BTRC: variants seen among roughly 807,000 people sequenced by gnomAD.
The protein encoded by BTRC is beta-transducin repeat containing E3 ubiquitin protein ligase, also known as F-box/WD repeat-containing protein 1A.
A neutral mutation model predicts 85.5 loss-of-function variants in BTRC; 42 were observed. The observed-to-expected ratio is 0.49, with a 90% CI of 0.38 to 0.64. The LOEUF is 0.64. Ranked by LOEUF, BTRC falls within the 30% of genes least tolerant of loss-of-function variation. BTRC has a pLI of 0.00. For synonymous variants in BTRC, 255 were observed against 263.3 expected (o/e 0.97, Z 0.30); for missense variants, 594 against 743.5 (o/e 0.80, Z 2.34).
At chr10:101,518,219 T>C (rs2134355650) in intron 4 of BTRC, among the ~76,000 whole-genome samples, 2 of 152,274 alleles carry the variant, frequency 1.3e-5, no homozygotes, top group South Asian at 4.1e-4. Flanking sequence ...GCCGAAGTAG[T>C]GTCTTAATTG....
At position 101,531,324 on chromosome 10, in the gene BTRC, A is replaced by G; in HGVS notation, c.831A>G (p.Gln277=). ...FYRALYPKII[Q]DIETIESNWR... ...GAGCACTTTATCCTAAAATTATACA[A>G]GACATTGAGGTAAGAATCTATGTAT... is the stretch of plus-strand genomic sequence containing the variant. The change falls in exon 7 of 15, where the codon CAA becomes CAG. Residue 277 remains glutamine (Q), a synonymous_variant. Coordinates refer to ENST00000370187, the MANE Select transcript of BTRC (RefSeq NM_033637.4). 6.3e-7 allele frequency: 1 copy of G among 1,596,240 alleles called. No homozygotes were observed. The highest frequency in any genetic ancestry group is 1.1e-5 in the South Asian group (1 of 90,372).
chr10:101,548,851 G>A (rs917250658), intron 13 of BTRC, among the ~76,000 whole-genome samples: 1 of 151,424 alleles, frequency 6.6e-6, no homozygotes, highest in Non-Finnish European at 1.5e-5. Flanking sequence ...TCAGGAGATC[G>A]AGACCATCCT....
chr10:101,514,909 T>G (rs1181334062), intron 4 of BTRC, among the ~76,000 whole-genome samples: 1 of 152,206 alleles, frequency 6.6e-6, no homozygotes, highest in Non-Finnish European at 1.5e-5. Context: ...CTAGTCTGAG[T>G]CTTCCATCTT....
At chr10:101,457,153 G>A (rs1300985550) in intron 2 of BTRC, among the ~76,000 whole-genome samples, 3 of 152,170 alleles carry the variant, frequency 2.0e-5, no homozygotes, top group Non-Finnish European at 4.4e-5. Flanking sequence ...ACATGAATAT[G>A]CTCTCTCAAA....
At chr10:101,504,468 C>T (rs1488737216) in intron 4 of BTRC, among the ~76,000 whole-genome samples, 1 of 151,916 alleles carries the variant, frequency 6.6e-6, no homozygotes, top group East Asian at 1.9e-4. Context: ...AGCTCATCAT[C>T]TCTCCCCATC....
chr10:101,377,045 A>G (rs901136117), intron 1 of BTRC, among the ~76,000 whole-genome samples: 3 of 152,176 alleles, frequency 2.0e-5, no homozygotes, highest in African/African-American at 7.2e-5. Flanking sequence ...GAACAATTGT[A>G]TCACTCCCCC....
intron 1 of BTRC, among the ~76,000 whole-genome samples, chr10:101,413,438 C>T (rs1436046715): frequency 2.0e-5 from 3 of 151,996 alleles, no homozygotes; most frequent in Admixed American, 1.3e-4. Context: ...CTCAGCCTCC[C>T]GAGTAGCTGG....
At position 101,504,230 on chromosome 10, in the gene BTRC, C is replaced by T. The variant is rs372951748; in HGVS notation, c.325-17409C>T. ...TCCAGACAATTAAACTTTATTACTCCGCCTGAAACATTAAGTAGTGGTTTT... is the reference window on the plus strand; with the variant it reads ...TCCAGACAATTAAACTTTATTACTCTGCCTGAAACATTAAGTAGTGGTTTT... On this transcript the variant is annotated intron_variant, in intron 4 of 14. Transcript: ENST00000370187. Among the ~76,000 whole-genome samples, 17 of 152,256 alleles carry T rather than the reference C, an allele frequency of 1.1e-4. No homozygotes were observed. The South Asian group carries it at 1.2e-3, about 11-fold the overall frequency.
In BTRC at chr10:101,521,815, C is replaced by T. The variant is rs773059882; in HGVS notation, c.501C>T (p.His167=). 2 of 1,614,016 alleles carry T rather than the reference C, an allele frequency of 1.2e-6. No individual in the cohort carries two copies. Among genetic ancestry groups the T allele is most frequent in the East Asian group, 4.5e-5 (2 of 44,874 alleles). ...ISQMCHYQHG[H]INSYLKPMLQ... is the part of the protein sequence containing the mutation. ...AAATGTGTCATTACCAACATGGGCA[C>T]ATAAACTCGTATCTTAAACCTATGT... Residue 167 remains histidine, a synonymous_variant, in exon 5 of 15, where the codon CAC becomes CAT. Coordinates refer to ENST00000370187, the MANE Select transcript of BTRC (RefSeq NM_033637.4).
chr10:101,446,906 C>T (rs1944840636), intron 2 of BTRC, among the ~76,000 whole-genome samples: 1 of 147,422 alleles, frequency 6.8e-6, no homozygotes, highest in South Asian at 2.1e-4. Flanking sequence ...CATTTGTATT[C>T]CAGAGAGCAC....
chr10:101,364,185 C>T (rs796251122), intron 1 of BTRC, among the ~76,000 whole-genome samples: 9 of 152,280 alleles, frequency 5.9e-5, no homozygotes, highest in African/African-American at 2.2e-4. Context: ...TGTTGACACT[C>T]TCCTGATAGC....
intron 4 of BTRC, among the ~76,000 whole-genome samples, chr10:101,486,301 A>T (rs554979737): frequency 3.3e-5 from 5 of 152,328 alleles, no homozygotes; most frequent in East Asian, 3.9e-4. Flanking sequence ...AAGAGTCCGC[A>T]TAAATCTGCC....
chr10:101,424,095 G>A (rs1377889984), intron 1 of BTRC, among the ~76,000 whole-genome samples: 6 of 152,102 alleles, frequency 3.9e-5, no homozygotes, highest in Non-Finnish European at 7.4e-5. Context: ...TTAGTCAGGC[G>A]TGGTGGTGCA....
chr10:101,361,850 A>T (rs1942216843), intron 1 of BTRC, among the ~76,000 whole-genome samples: 1 of 152,236 alleles, frequency 6.6e-6, no homozygotes, highest in Non-Finnish European at 1.5e-5. Context: ...TAGTTCCTGG[A>T]TTACCTTTAT....
chr10:101,513,245 C>T (rs369057688), intron 4 of BTRC, among the ~76,000 whole-genome samples: 22 of 152,218 alleles, frequency 1.4e-4, no homozygotes, highest in Non-Finnish European at 2.6e-4. Context: ...ATTCATATTA[C>T]AGTGGATTTA....
chr10:101,444,314 C>T (rs1944767693), intron 2 of BTRC, among the ~76,000 whole-genome samples: 1 of 152,158 alleles, frequency 6.6e-6, no homozygotes, highest in Admixed American at 6.5e-5. Flanking sequence ...TTGTTGTCTT[C>T]AGAACTGGTA....
intron 1 of BTRC, among the ~76,000 whole-genome samples, chr10:101,428,774 C>A (rs980929278): frequency 6.6e-6 from 1 of 152,168 alleles, no homozygotes; most frequent in African/African-American, 2.4e-5. Flanking sequence ...GGATAATAAT[C>A]TAAAATCAGG....
chr10:101,358,260 A>AT (rs58134876), intron 1 of BTRC, among the ~76,000 whole-genome samples: 47,894 of 149,416 alleles, frequency 0.32, 9,747 homozygotes, highest in East Asian at 0.67. Context: ...TATGCTGGCT[A>AT]TTTTTTTTTT....
chr10:101,527,786 T>A (rs71471209), intron 6 of BTRC, among the ~76,000 whole-genome samples: 20,114 of 135,860 alleles, frequency 0.15, 1,533 homozygotes, highest in Middle Eastern at 0.26. Context: ...TCTCTCTCTC[T>A]CTCTCACATA....
Sources: gnomAD v4.1 joint callset for allele counts (sites outside exome capture counted in the v4.1 genomes callset) on GRCh38, gnomAD v4.1.1 for gene constraint, MANE v1.5 for transcripts, NCBI Gene and HGNC (gene_info 2026-07-23, HGNC 2026-07-21) for gene names.